The following KBTBD11 variants were observed in gnomAD, a reference collection of about 807,000 sequenced individuals.
The protein encoded by KBTBD11 is kelch repeat and BTB domain-containing protein 11.
For synonymous variants in KBTBD11, 747 were observed against 499.0 expected (o/e 1.50, Z -6.63); for missense variants, 1,390 against 1,001.8 (o/e 1.39, Z -5.23).
chr8:2,001,748 C>T lies in KBTBD11; in HGVS notation c.556C>T (p.Leu186=). 1 of 1,325,822 alleles carries T rather than the reference C, an allele frequency of 7.5e-7. No homozygotes were observed. Among genetic ancestry groups the T allele is most frequent in the South Asian group, 1.9e-5 (1 of 51,378 alleles). 82.1% of individuals were successfully genotyped at this position (1,325,822 alleles called of 1,614,324 possible). ...GGGAGTGAGCCTGACGGCGCTGCGG[C>T]TGCTCCTCGCCGACGCCTACAGCGG... is the stretch of plus-strand genomic sequence containing the variant. The part of the protein sequence containing the change: ...VQGVSLTALR[L]LLADAYSGRM... Residue 186 remains leucine, a synonymous_variant, in exon 2 of 2, where the codon CTG becomes TTG. Coordinates refer to ENST00000320248, the MANE Select transcript of KBTBD11 (RefSeq NM_014867.3).
At chr8:1,974,208 C>A (rs2129306336) in intron 1 of KBTBD11, 1 of 855,138 alleles carries the variant, frequency 1.2e-6, no homozygotes, top group South Asian at 5.4e-5. Context: ...GTGGTCTCCG[C>A]TCCGCCTCCG....
At chr8:1,996,059 C>G (rs780627321) in intron 1 of KBTBD11, among the ~76,000 whole-genome samples, 25 of 152,174 alleles carry the variant, frequency 1.6e-4, no homozygotes, top group Non-Finnish European at 1.5e-5. Context: ...AGATTCCCTA[C>G]AGGTTTCTAA....
At chr8:1,974,024 G>T in intron 1 of KBTBD11, 89 bp downstream of exon 1, 3 of 865,378 alleles carry the variant, frequency 3.5e-6, no homozygotes, top group Non-Finnish European at 4.2e-6. Flanking sequence ...GCGGCGGGTG[G>T]GAGGTGGTCG....
At chr8:1,993,497 C>G (rs1357929957) in intron 1 of KBTBD11, among the ~76,000 whole-genome samples, 1 of 62,106 alleles carries the variant, frequency 1.6e-5, no homozygotes, top group African/African-American at 4.2e-5. Context: ...GTCCATCCGT[C>G]CATCCATCCA....
At chr8:1,990,463 C>A (rs1179065072) in intron 1 of KBTBD11, among the ~76,000 whole-genome samples, 1 of 109,624 alleles carries the variant, frequency 9.1e-6, no homozygotes, top group Non-Finnish European at 1.9e-5. Context: ...GCGCCCTGTC[C>A]GGGTAGATGC....
At chr8:1,997,244 G>A (rs1472814001) in intron 1 of KBTBD11, among the ~76,000 whole-genome samples, 2 of 152,096 alleles carry the variant, frequency 1.3e-5, no homozygotes, top group Admixed American at 6.6e-5. Context: ...AAATGGTGGC[G>A]GTGGGAGGAA....
At chr8:1,984,727 A>G (rs1816655545) in intron 1 of KBTBD11, among the ~76,000 whole-genome samples, 2 of 152,198 alleles carry the variant, frequency 1.3e-5, no homozygotes, top group Non-Finnish European at 1.5e-5. Flanking sequence ...ATTTGGGCAG[A>G]TGTGGCAGAC....
chr8:1,994,958 C>T (rs1032306278), intron 1 of KBTBD11, among the ~76,000 whole-genome samples: 22 of 150,654 alleles, frequency 1.5e-4, no homozygotes, highest in Admixed American at 6.6e-5. Context: ...ACTCGGGAGG[C>T]TGAGGCAGGA....
At position 2,005,959 on chromosome 8, in the gene KBTBD11, T is replaced by C. The variant is rs939679722; in HGVS notation, c.*2895T>C. 2 of 167,094 alleles carry C rather than the reference T, an allele frequency of 1.2e-5. No individual in the cohort carries two copies. Among genetic ancestry groups the C allele is most frequent in the African/African-American group, 4.8e-5 (2 of 41,444 alleles). 10.4% of individuals were successfully genotyped at this position (167,094 alleles called of 1,614,324 possible). The stretch of plus-strand genomic sequence containing the variant: ...GCCTTCCTCCTTTTCCTTCCGGTTT[T>C]ATTCTTCCTCTTGGGAACATCCCTC... On this transcript the variant is annotated 3_prime_UTR_variant, in exon 2 of 2. Transcript: ENST00000320248.
In KBTBD11 at chr8:2,006,493, G is replaced by A. The variant is rs550153269; in HGVS notation, c.*3429G>A. On this transcript the variant is annotated 3_prime_UTR_variant, in exon 2 of 2. Coordinates refer to ENST00000320248, the MANE Select transcript of KBTBD11 (RefSeq NM_014867.3). The stretch of plus-strand genomic sequence containing the variant: ...AATGTTATTGTTCATAAGAAAACAC[G>A]AGCTGAAAATGGAAATCTGCAGTTG... 38 of 166,998 alleles carry A rather than the reference G, an allele frequency of 2.3e-4. 1 individual carries two copies. Among genetic ancestry groups the A allele is most frequent in the African/African-American group, 6.5e-4 (27 of 41,558 alleles). 10.3% of individuals were successfully genotyped at this position (166,998 alleles called of 1,614,324 possible). A position where few individuals can be genotyped will look rare whatever the true frequency, so the allele number is the denominator to read the frequency against.
Position 2,001,602 on chromosome 8 carries a change from A to G in KBTBD11, c.410A>G (p.Tyr137Cys). The change falls in exon 2 of 2, where the codon TAC becomes TGC. Residue 137 changes from tyrosine (Y) to cysteine (C), a missense_variant. Transcript: ENST00000320248. ...APVPPGFGAV[Y>C]GEPDLVLEVS... ...GTACCCCCGGGGTTCGGGGCGGTGTACGGGGAGCCGGACCTGGTGCTGGAG... is the reference window on the plus strand; with the variant it reads ...GTACCCCCGGGGTTCGGGGCGGTGTGCGGGGAGCCGGACCTGGTGCTGGAG... 2.7e-6 allele frequency: 4 copies of G among 1,472,794 alleles called. No homozygotes were observed. The highest frequency in any genetic ancestry group is 2.7e-6 in the Non-Finnish European group (3 of 1,117,478). The allele number at this position is 1,472,794 out of a possible 1,614,324, so 91.2% of individuals were successfully genotyped here.
intron 1 of KBTBD11, among the ~76,000 whole-genome samples, chr8:1,996,863 A>T (rs1279874288): frequency 1.3e-5 from 2 of 152,130 alleles, no homozygotes; most frequent in African/African-American, 4.8e-5. Flanking sequence ...GCCCAGAAGA[A>T]ACTTACATCT....
At chr8:1,981,933 G>A (rs577329987) in intron 1 of KBTBD11, among the ~76,000 whole-genome samples, 1 of 152,254 alleles carries the variant, frequency 6.6e-6, no homozygotes, top group Admixed American at 6.5e-5. Context: ...AGCCTGTTGT[G>A]GGATTCTCAG....
intron 1 of KBTBD11, among the ~76,000 whole-genome samples, chr8:1,984,146 G>C (rs771470120): frequency 6.6e-6 from 1 of 151,764 alleles, no homozygotes; most frequent in Admixed American, 6.6e-5. Context: ...TAAAAAAAGA[G>C]TCACACGTGG....
Position 1,982,765 on chromosome 8 carries a change from C to T in KBTBD11, c.-909+8830C>T, listed in dbSNP as rs949934107. Among the ~76,000 whole-genome samples, 433 of 147,422 alleles carry T rather than the reference C, an allele frequency of 2.9e-3. 4 individuals are homozygous for T. Among genetic ancestry groups the T allele is most frequent in the African/African-American group, 0.01 (408 of 39,508 alleles). On this transcript the variant is annotated intron_variant, in intron 1 of 1. Transcript: ENST00000320248. The stretch of plus-strand genomic sequence containing the variant: ...GAGCACTTTTTTTTTTTTTTTTAGA[C>T]AGGATCTCACTGTGTCACCCAGGCT...
intron 1 of KBTBD11, among the ~76,000 whole-genome samples, chr8:1,988,738 G>A (rs1816780782): frequency 6.6e-6 from 1 of 152,172 alleles, no homozygotes. Context: ...TGAGCCCCAT[G>A]GGGCTGGGAC....
rs1183107600 is a variant in KBTBD11, at chr8:2,001,683, ACTT to A, written c.493_495del (p.Phe165del). The A allele has an allele frequency of 5.5e-6, 8 of 1,446,322 alleles. No homozygotes were observed. The highest frequency in any genetic ancestry group is 1.5e-5 in the African/African-American group (1 of 67,046). The allele number at this position is 1,446,322 out of a possible 1,614,324, so 89.6% of individuals were successfully genotyped here. A position where few individuals can be genotyped will look rare whatever the true frequency, so the allele number is the denominator to read the frequency against. The stretch of plus-strand genomic sequence containing the variant: ...GCGGTGCTGGCGGCGCGCAGCGACT[ACTT>A]CCGCGCGCGCGCGTCGCGGGACGTG... On this transcript the variant is annotated inframe_deletion, in exon 2 of 2. Coordinates refer to ENST00000320248, the MANE Select transcript of KBTBD11 (RefSeq NM_014867.3).
chr8:1,973,739 G>A lies in KBTBD11; in HGVS notation c.-1105G>A, dbSNP rs1257189818. 2.0e-6 allele frequency: 2 copies of A among 983,756 alleles called. No homozygotes were observed. Among genetic ancestry groups the A allele is most frequent in the African/African-American group, 3.5e-5 (2 of 57,078 alleles). 60.9% of individuals were successfully genotyped at this position (983,756 alleles called of 1,614,324 possible). A position where few individuals can be genotyped will look rare whatever the true frequency, so the allele number is the denominator to read the frequency against. Reference sequence around the variant, plus strand: ...CGCTGGCTCCGCGCGGCCTGGAGAGGCGGAGAGGCCTGTCCACCGCCCCCT... The same window carrying A: ...CGCTGGCTCCGCGCGGCCTGGAGAGACGGAGAGGCCTGTCCACCGCCCCCT... On this transcript the variant is annotated 5_prime_UTR_variant, in exon 1 of 2. Coordinates refer to ENST00000320248, the MANE Select transcript of KBTBD11 (RefSeq NM_014867.3).
chr8:1,997,317 C>T (rs1817178725), intron 1 of KBTBD11, among the ~76,000 whole-genome samples: 1 of 151,910 alleles, frequency 6.6e-6, no homozygotes, highest in Non-Finnish European at 1.5e-5. Context: ...ACCGCGGTTG[C>T]TGATGCCTCA....
Sources: allele counts gnomAD v4.1 joint callset (sites outside exome capture counted in the v4.1 genomes callset), GRCh38; gene constraint gnomAD v4.1.1; transcripts MANE v1.5; gene names NCBI Gene and HGNC (gene_info 2026-07-23, HGNC 2026-07-21).